The following ABI1 variants were observed in gnomAD, a reference collection of about 807,000 sequenced individuals.
ABI1 encodes Abelson interactor 1.
Under a neutral mutation model 54.6 loss-of-function variants are expected in ABI1, and 14 were observed. That is an observed-to-expected ratio of 0.26 (90% CI 0.17 to 0.40). The LOEUF (loss-of-function observed/expected upper bound fraction) is 0.40. Among genes scored for constraint, ABI1 ranks in the 10% least tolerant of loss-of-function variants. The pLI is 1.00. For missense variants in ABI1, 443 were observed against 598.3 expected (o/e 0.74, Z 2.71); for synonymous variants, 194 against 209.3 (o/e 0.93, Z 0.63).
intron 6 of ABI1, 49 bp from the exon 7 acceptor site, chr10:26,765,367 T>TAA: frequency 3.0e-6 from 4 of 1,329,384 alleles, no homozygotes; most frequent in Non-Finnish European, 4.1e-6. Flanking sequence ...GAGACATATT[T>TAA]AAAAAAAAAC....
At chr10:26,767,642 T>C (rs1420021806) in intron 6 of ABI1, among the ~76,000 whole-genome samples, 1 of 152,190 alleles carries the variant, frequency 6.6e-6, no homozygotes, top group African/African-American at 2.4e-5. Context: ...TGTGTGTCCA[T>C]TCATCAAGCT....
At chr10:26,853,899 A>G (rs1164998993) in intron 1 of ABI1, among the ~76,000 whole-genome samples, 1 of 152,146 alleles carries the variant, frequency 6.6e-6, no homozygotes, top group Non-Finnish European at 1.5e-5. Flanking sequence ...TTATATCTGC[A>G]CAATATCCTA....
rs765853927 is a variant in ABI1, at chr10:26,823,252, A to T, written c.171T>A (p.Ser57=). 22 of 1,602,136 alleles carry T rather than the reference A, an allele frequency of 1.4e-5. No individual in the cohort carries two copies. Among genetic ancestry groups the T allele is most frequent in the Non-Finnish European group, 1.8e-5 (21 of 1,176,432 alleles). The part of the protein sequence containing the change: ...LEETKAYTTQ[S]LASVAYQINA... ...TTATTTGATAAGCAACACTAGCTAGAGATTGGGTTGTATAGGCTTTGGTCT... is the reference window on the plus strand; with the variant it reads ...TTATTTGATAAGCAACACTAGCTAGTGATTGGGTTGTATAGGCTTTGGTCT... The change falls in exon 2 of 11, where the codon TCT becomes TCA. Residue 57 remains serine, a synonymous_variant. Coordinates refer to ENST00000376140, the MANE Select transcript of ABI1 (RefSeq NM_001012750.3).
intron 2 of ABI1, among the ~76,000 whole-genome samples, chr10:26,793,820 T>A (rs1363465517): frequency 6.6e-6 from 1 of 152,234 alleles, no homozygotes; most frequent in Non-Finnish European, 1.5e-5. Context: ...ACTTCTTACC[T>A]AACAACTAAC....
chr10:26,758,633 G>A (rs1838688694), intron 8 of ABI1, among the ~76,000 whole-genome samples: 1 of 152,138 alleles, frequency 6.6e-6, no homozygotes, highest in African/African-American at 2.4e-5. Flanking sequence ...GACCTTAAAA[G>A]TGATAGCCAG....
Position 26,860,918 on chromosome 10 carries a change from T to C in ABI1, c.-55A>G, listed in dbSNP as rs553954494. 10 of 1,540,450 alleles carry C rather than the reference T, an allele frequency of 6.5e-6. No individual in the cohort carries two copies. The highest frequency in any genetic ancestry group is 1.4e-5 in the African/African-American group (1 of 73,512). On this transcript the variant is annotated 5_prime_UTR_variant, in exon 1 of 11. Coordinates refer to ENST00000376140, the MANE Select transcript of ABI1 (RefSeq NM_001012750.3). This position sits in a 1 kb window ranked among gnomAD's most constrained non-coding sequence, Gnocchi z 4.1. ...CGTTAAAGAGACAGAGGCAGCAAGG[T>C]CCGCCGAGGCTCCGAGCACCTCACA...
chr10:26,842,175 T>C (rs1344048159), intron 1 of ABI1, among the ~76,000 whole-genome samples: 1 of 152,358 alleles, frequency 6.6e-6, no homozygotes, highest in East Asian at 1.9e-4. Context: ...CATTTCTGCA[T>C]GGCTAATGCT....
At chr10:26,760,718 C>T (rs989731047) in intron 7 of ABI1, among the ~76,000 whole-genome samples, 2 of 151,646 alleles carry the variant, frequency 1.3e-5, no homozygotes, top group Non-Finnish European at 2.9e-5. Context: ...GGCGAAAACC[C>T]GTGTCTACTA....
In ABI1 at chr10:26,855,970, CAAAAAAAAAAA is replaced by C. The variant is rs11369827; in HGVS notation, c.117+4766_117+4776del. ...TGGGTGACAGAGCAAGACTCCATCTCAAAAAAAAAAAAAAAAAAAAAGAACCCCATTCTGGG... is the reference window on the plus strand; with the variant it reads ...TGGGTGACAGAGCAAGACTCCATCTCAAAAAAAAAAGAACCCCATTCTGGG... On this transcript the variant is annotated intron_variant, in intron 1 of 10. Transcript: ENST00000376140. Among the ~76,000 whole-genome samples, 11 of 80,610 alleles carry C rather than the reference CAAAAAAAAAAA, an allele frequency of 1.4e-4. 1 individual carries two copies. In the East Asian group the frequency reaches 2.0e-3, roughly 15 times the overall value. 52.9% of individuals were successfully genotyped at this position (80,610 alleles called of 152,430 possible).
At position 26,747,084 on chromosome 10, in the gene ABI1, C is replaced by T. The variant is rs1837019349; in HGVS notation, c.*1486G>A. On this transcript the variant is annotated 3_prime_UTR_variant, in exon 11 of 11. Coordinates refer to ENST00000376140, the MANE Select transcript of ABI1 (RefSeq NM_001012750.3). ...TGAAATAGTCACATTGATTTGGTAG[C>T]AATAATGGTCTTTAATTTTCAGAAA... The T allele has an allele frequency of 4.4e-6, 1 of 227,758 alleles. No homozygotes were observed. The allele number at this position is 227,758 out of a possible 1,614,324, so 14.1% of individuals were successfully genotyped here.
In ABI1 at chr10:26,833,565, T is replaced by C. The variant is rs144881355; in HGVS notation, c.118-10260A>G. 4.3e-3 allele frequency among the ~76,000 whole-genome samples: 649 copies of C among 152,306 alleles called. 4 individuals carry two copies. The highest frequency in any genetic ancestry group is 0.015 in the African/African-American group (608 of 41,560). ...CTGTTATATACTTAAGTATTACTAATAGAAAATAGCTCTATTAGTCCAAAA... is the reference window on the plus strand; with the variant it reads ...CTGTTATATACTTAAGTATTACTAACAGAAAATAGCTCTATTAGTCCAAAA... On this transcript the variant is annotated intron_variant, in intron 1 of 10. Coordinates refer to ENST00000376140, the MANE Select transcript of ABI1 (RefSeq NM_001012750.3).
intron 4 of ABI1, 149 bp from the exon 5 acceptor site, chr10:26,770,494 G>A (rs1315964227): frequency 2.4e-6 from 2 of 845,842 alleles, no homozygotes; most frequent in Non-Finnish European, 4.1e-6. Flanking sequence ...AGTTTAAAAA[G>A]TCAAGGAACC....
intron 1 of ABI1, among the ~76,000 whole-genome samples, chr10:26,831,391 A>G (rs1310112325): frequency 1.3e-5 from 2 of 152,048 alleles, no homozygotes; most frequent in African/African-American, 2.4e-5. Flanking sequence ...AAAAATACAA[A>G]AATTAGCCAG....
intron 2 of ABI1, among the ~76,000 whole-genome samples, chr10:26,785,697 C>G (rs558703181): frequency 6.6e-6 from 1 of 151,850 alleles, no homozygotes; most frequent in African/African-American, 2.4e-5. Flanking sequence ...TGCACTCTAG[C>G]CTGGGCGACA....
intron 1 of ABI1, chr10:26,839,651 TA>T (rs1554831131): frequency 0.089 from 43,878 of 494,808 alleles, no homozygotes; most frequent in East Asian, 0.1. Context: ...TACTTCTGTT[TA>T]AAAAAAAAAA....
chr10:26,801,375 T>C (rs1164534193), intron 2 of ABI1, among the ~76,000 whole-genome samples: 2 of 151,974 alleles, frequency 1.3e-5, no homozygotes, highest in Non-Finnish European at 2.9e-5. Context: ...GGCAAAACCC[T>C]GTCTCTACAA....
chr10:26,791,172 G>C (rs956710459), intron 2 of ABI1, among the ~76,000 whole-genome samples: 6 of 150,928 alleles, frequency 4.0e-5, no homozygotes, highest in African/African-American at 4.9e-5. Context: ...AGTTGTGAGA[G>C]AGACTAAAGG....
chr10:26,858,095 T>G (rs2050985389), intron 1 of ABI1, among the ~76,000 whole-genome samples: 2 of 151,998 alleles, frequency 1.3e-5, no homozygotes. Context: ...AGAACAAAAA[T>G]CACCCAAGCA....
intron 1 of ABI1, among the ~76,000 whole-genome samples, chr10:26,852,677 C>T (rs942235165): frequency 2.0e-5 from 3 of 152,082 alleles, no homozygotes; most frequent in African/African-American, 7.2e-5. Flanking sequence ...GTACCAAATA[C>T]AATTTTGTCA....
Sources: allele counts gnomAD v4.1 joint callset (sites outside exome capture counted in the v4.1 genomes callset), GRCh38; gene constraint gnomAD v4.1.1; non-coding constraint Gnocchi (gnomAD v3.1); transcripts MANE v1.5; gene names NCBI Gene and HGNC (gene_info 2026-07-23, HGNC 2026-07-21).